Variants in GALNT18 observed in about 807,000 individuals in gnomAD.
GALNT18 encodes the protein GalNAc-transferase 18.
GALNT18 carries 44 observed loss-of-function variants against 69.5 expected under a neutral mutation model. That is an observed-to-expected ratio of 0.63 (90% CI 0.50 to 0.81). GALNT18 has a LOEUF of 0.81. Ranked by LOEUF, GALNT18 falls within the 40% of genes least tolerant of loss-of-function variation. GALNT18 has a pLI of 0.00. For synonymous variants in GALNT18, 364 were observed against 318.2 expected (o/e 1.14, Z -1.53); for missense variants, 715 against 810.0 (o/e 0.88, Z 1.42).
Position 11,336,646 on chromosome 11 carries a change from G to A in GALNT18, c.1279-3815C>T, listed in dbSNP as rs182196999. Among the ~76,000 whole-genome samples the A allele has an allele frequency of 2.0e-5, 3 of 152,288 alleles. No individual in the cohort carries two copies. The South Asian group carries it at 6.2e-4, about 32-fold the overall frequency. ...GCTTGCAGCTGAGGAAAAGGGATTGGGGCATAGCTATCTCAGAGGCAGGGG... is the reference window on the plus strand; with the variant it reads ...GCTTGCAGCTGAGGAAAAGGGATTGAGGCATAGCTATCTCAGAGGCAGGGG... On this transcript the variant is annotated intron_variant, in intron 7 of 10. Coordinates refer to ENST00000227756, the MANE Select transcript of GALNT18 (RefSeq NM_198516.3).
intron 1 of GALNT18, among the ~76,000 whole-genome samples, chr11:11,478,741 C>T (rs973692564): frequency 1.3e-4 from 19 of 151,920 alleles, no homozygotes; most frequent in African/African-American, 4.3e-4. Context: ...TTCTCTGGCC[C>T]GTTCTGTTTC....
chr11:11,587,208 C>A lies in GALNT18; in HGVS notation c.235+34151G>T, dbSNP rs1859249074. 1.3e-5 allele frequency among the ~76,000 whole-genome samples: 2 copies of A among 152,178 alleles called. No homozygotes were observed. Among genetic ancestry groups the A allele is most frequent in the Non-Finnish European group, 2.9e-5 (2 of 68,036 alleles). ...GGTTCTGATTGGACACTGCCAAATG[C>A]CACATTAGCTGTTTATATATTTGAA... On this transcript the variant is annotated intron_variant, in intron 1 of 10. Coordinates refer to ENST00000227756, the MANE Select transcript of GALNT18 (RefSeq NM_198516.3). This position sits in a 1 kb window ranked among gnomAD's most constrained non-coding sequence, Gnocchi z 4.4.
At chr11:11,388,588 C>A (rs908754618) in intron 3 of GALNT18, among the ~76,000 whole-genome samples, 5 of 151,366 alleles carry the variant, frequency 3.3e-5, no homozygotes, top group African/African-American at 7.3e-5. Flanking sequence ...AGGCTACCAG[C>A]CTGACGCCAC....
rs1356610451 is a variant in GALNT18 at position 11,619,075 on chromosome 11, G to A, written c.235+2284C>T. Among the ~76,000 whole-genome samples the A allele has an allele frequency of 6.6e-6, 1 of 152,150 alleles. No individual in the cohort carries two copies. The highest frequency in any genetic ancestry group is 1.5e-5 in the Non-Finnish European group (1 of 68,030). On this transcript the variant is annotated intron_variant, in intron 1 of 10. Transcript: ENST00000227756. This position sits in a 1 kb window ranked among gnomAD's most constrained non-coding sequence, Gnocchi z 4.9. ...TCCCAGCTCAGGATGGCCCCAGCAT[G>A]GCAAAGGGAACTGTTGGTCATTGCT...
At chr11:11,287,963 T>G (rs1321963592) in intron 10 of GALNT18, among the ~76,000 whole-genome samples, 2 of 152,202 alleles carry the variant, frequency 1.3e-5, no homozygotes, top group Non-Finnish European at 2.9e-5. Context: ...CCCTGATAGC[T>G]GCATGTCCCC....
Position 11,320,359 on chromosome 11 carries a change from T to G in GALNT18, c.1512+6727A>C, listed in dbSNP as rs1023674745. ...ACAGTGCACAACCTGCACAATGGCA[T>G]GTGACAGTTCCATCCGTGCATACAC... is the stretch of plus-strand genomic sequence containing the variant. On this transcript the variant is annotated intron_variant, in intron 9 of 10. Coordinates refer to ENST00000227756, the MANE Select transcript of GALNT18 (RefSeq NM_198516.3). This position sits in a 1 kb window ranked among gnomAD's most constrained non-coding sequence, Gnocchi z 4.9. Among the ~76,000 whole-genome samples the G allele has an allele frequency of 6.6e-6, 1 of 152,236 alleles. No individual in the cohort carries two copies. Among genetic ancestry groups the G allele is most frequent in the South Asian group, 2.1e-4 (1 of 4,832 alleles).
chr11:11,319,954 C>T (rs534146242), intron 9 of GALNT18, among the ~76,000 whole-genome samples: 1 of 152,212 alleles, frequency 6.6e-6, no homozygotes, highest in East Asian at 1.9e-4. Context: ...GCTTTATGTG[C>T]ATTGATTTAT....
chr11:11,349,631 C>T (rs575187614), intron 6 of GALNT18, among the ~76,000 whole-genome samples: 1 of 152,314 alleles, frequency 6.6e-6, no homozygotes, highest in East Asian at 1.9e-4. Flanking sequence ...CACCAAGACA[C>T]TAAACAGGGC....
Position 11,327,429 on chromosome 11 carries a change from G to A in GALNT18, c.1417-248C>T, listed in dbSNP as rs545918654. Among the ~76,000 whole-genome samples the A allele has an allele frequency of 7.9e-5, 12 of 152,372 alleles. No homozygotes were observed. In the South Asian group the frequency reaches 2.5e-3, roughly 32 times the overall value. The stretch of plus-strand genomic sequence containing the variant: ...AACAGTGAGCTGGGTTACAGGAGAT[G>A]TGCATGCGTGTGCACACACAAGATG... On this transcript the variant is annotated intron_variant, in intron 8 of 10. Coordinates refer to ENST00000227756, the MANE Select transcript of GALNT18 (RefSeq NM_198516.3).
intron 6 of GALNT18, chr11:11,352,013 G>A (rs1011482430): frequency 2.8e-5 from 45 of 1,613,288 alleles, no homozygotes; most frequent in African/African-American, 5.3e-5. Flanking sequence ...TCACTGGTGA[G>A]CCTGCCAGAG....
At chr11:11,559,728 T>G (rs1218792791) in intron 1 of GALNT18, among the ~76,000 whole-genome samples, 2 of 150,506 alleles carry the variant, frequency 1.3e-5, no homozygotes, top group Admixed American at 6.6e-5. Context: ...TAGGATGGAA[T>G]GGAATGGGGT....
intron 1 of GALNT18, among the ~76,000 whole-genome samples, chr11:11,503,765 T>TC (rs958410346): frequency 3.3e-5 from 5 of 152,200 alleles, no homozygotes; most frequent in African/African-American, 1.2e-4. Context: ...TCATCTTTTT[T>TC]CCCCTTTTTG....
rs375811444 is a variant in GALNT18, at chr11:11,405,112, G to A, written c.596-25848C>T. Among the ~76,000 whole-genome samples, 541 of 152,256 alleles carry A rather than the reference G, an allele frequency of 3.6e-3. 3 individuals carry two copies. Among genetic ancestry groups the A allele is most frequent in the African/African-American group, 0.011 (476 of 41,546 alleles). Reference sequence around the variant, plus strand: ...CACTTCTGTGCCTTGAGCCCCGGCCGTGGCAACCTGAGTCAATGGCCTCCA... The same window carrying A: ...CACTTCTGTGCCTTGAGCCCCGGCCATGGCAACCTGAGTCAATGGCCTCCA... On this transcript the variant is annotated intron_variant, in intron 3 of 10. Coordinates refer to ENST00000227756, the MANE Select transcript of GALNT18 (RefSeq NM_198516.3).
intron 3 of GALNT18, among the ~76,000 whole-genome samples, chr11:11,419,405 T>C (rs1554931965): frequency 6.6e-6 from 1 of 151,916 alleles, no homozygotes; most frequent in Non-Finnish European, 1.5e-5. Flanking sequence ...AAGACCAGCC[T>C]GGCCAACATG....
chr11:11,349,710 C>A (rs1850365150), intron 6 of GALNT18, among the ~76,000 whole-genome samples: 1 of 152,170 alleles, frequency 6.6e-6, no homozygotes, highest in South Asian at 2.1e-4. Flanking sequence ...GGCTTTAGTT[C>A]TGCGTTATCC....
intron 10 of GALNT18, among the ~76,000 whole-genome samples, chr11:11,275,709 A>T (rs760320941): frequency 5.9e-5 from 9 of 152,166 alleles, no homozygotes; most frequent in Non-Finnish European, 1.2e-4. Context: ...TGATTTTTGT[A>T]GAAGATGTAA....
At chr11:11,471,265 C>T (rs1489007005) in intron 1 of GALNT18, among the ~76,000 whole-genome samples, 6 of 152,158 alleles carry the variant, frequency 3.9e-5, no homozygotes, top group Non-Finnish European at 7.3e-5. Flanking sequence ...TGGCGTCGGG[C>T]TCAGCACCTA....
chr11:11,462,095 C>T (rs970139446), intron 1 of GALNT18, among the ~76,000 whole-genome samples: 3 of 152,096 alleles, frequency 2.0e-5, no homozygotes, highest in Non-Finnish European at 2.9e-5. Flanking sequence ...GGTCCCACCC[C>T]AGAGTTTCTC....
At position 11,293,107 on chromosome 11, in the gene GALNT18, G is replaced by A. The variant is rs35037993; in HGVS notation, c.1599C>T (p.Asp533=). 2,907 of 1,377,532 alleles carry A rather than the reference G, an allele frequency of 2.1e-3. 54 individuals are homozygous for A. The African/African-American group carries it at 0.039, about 18-fold the overall frequency. The allele number at this position is 1,377,532 out of a possible 1,614,324, so 85.3% of individuals were successfully genotyped here. A position where few individuals can be genotyped will look rare whatever the true frequency, so the allele number is the denominator to read the frequency against. The change falls in exon 10 of 11, where the codon GAC becomes GAT. Residue 533 remains aspartate, a synonymous_variant. Coordinates refer to ENST00000227756, the MANE Select transcript of GALNT18 (RefSeq NM_198516.3). Reference sequence around the variant, plus strand: ...CGATGAGCCGGGGCCGGCTGTTGACGTCCACCAGGCATCGGTTGTCATCAT... The same window carrying A: ...CGATGAGCCGGGGCCGGCTGTTGACATCCACCAGGCATCGGTTGTCATCAT... ...VDDDDNRCLV[D]VNSRPRLIEC... is the part of the protein sequence containing the mutation.
Sources: gnomAD v4.1 joint callset for allele counts (sites outside exome capture counted in the v4.1 genomes callset) on GRCh38, gnomAD v4.1.1 for gene constraint, Gnocchi (gnomAD v3.1) non-coding constraint, MANE v1.5 for transcripts, NCBI Gene and HGNC (gene_info 2026-07-23, HGNC 2026-07-21) for gene names.